Variants in ADAM21 observed in about 807,000 individuals in gnomAD.
The protein encoded by ADAM21 is ADAM metallopeptidase domain 21, also known as disintegrin and metalloproteinase domain-containing protein 21.
For synonymous variants in ADAM21, 262 were observed against 306.0 expected, an observed-to-expected ratio of 0.86 and a Z score of 1.50; for missense variants, 678 against 874.4, an observed-to-expected ratio of 0.78 and a Z score of 2.83.
In ADAM21 at chr14:70,459,333, G is replaced by A; in HGVS notation, c.1834G>A (p.Val612Met). 3 of 1,614,222 alleles carry A rather than the reference G, an allele frequency of 1.9e-6. No individual in the cohort carries two copies. Among genetic ancestry groups the A allele is most frequent in the Non-Finnish European group, 2.5e-6 (3 of 1,180,036 alleles). The change falls in exon 2 of 2, where the codon GTG becomes ATG. Residue 612 changes from valine (V) to methionine (M), a missense_variant. Transcript: ENST00000603540. ...SDIGEVKDGTVCGPGKICIHK... is the reference protein window; with the variant it reads ...SDIGEVKDGTMCGPGKICIHK... ...CATTGGTGAAGTGAAAGATGGTACTGTGTGTGGCCCAGGAAAGATCTGCAT... is the reference window on the plus strand; with the variant it reads ...CATTGGTGAAGTGAAAGATGGTACTATGTGTGGCCCAGGAAAGATCTGCAT...
intron 1 of ADAM21, among the ~76,000 whole-genome samples, chr14:70,454,478 G>T (rs907122582): frequency 6.6e-6 from 1 of 152,168 alleles, no homozygotes; most frequent in African/African-American, 2.4e-5. Context: ...GAAACTGGTA[G>T]CAGAGCTGAA....
rs1394648566 is a variant in ADAM21, at chr14:70,459,705, C to A, written c.*37C>A. 2 of 1,598,534 alleles carry A rather than the reference C, an allele frequency of 1.3e-6. No individual in the cohort carries two copies. The highest frequency in any genetic ancestry group is 2.7e-5 in the African/African-American group (2 of 74,446). On this transcript the variant is annotated 3_prime_UTR_variant, in exon 2 of 2. Coordinates refer to ENST00000603540, the MANE Select transcript of ADAM21 (RefSeq NM_003813.4). ...TAACTTAATATTCCATGCATTAGTA[C>A]ACTTTAGTCTCTTGGCAGTAGAAAC...
Position 70,457,580 on chromosome 14 carries a change from C to G in ADAM21, c.81C>G (p.Gly27=), listed in dbSNP as rs1164946144. 40 of 1,613,466 alleles carry G rather than the reference C, an allele frequency of 2.5e-5. No individual in the cohort carries two copies. The highest frequency in any genetic ancestry group is 3.3e-5 in the Non-Finnish European group (39 of 1,179,812). ...LWLGVFLSIS[G]YCQAGPSQHF... ...TTGGGGTATTTTTGTCTATTTCCGG[C>G]TACTGTCAGGCTGGGCCCTCCCAGC... is the stretch of plus-strand genomic sequence containing the variant. The change falls in exon 2 of 2, where the codon GGC becomes GGG. Residue 27 remains glycine (G), a synonymous_variant. Transcript: ENST00000603540.
At chr14:70,454,494 T>G (rs773927932) in intron 1 of ADAM21, among the ~76,000 whole-genome samples, 30 of 152,198 alleles carry the variant, frequency 2.0e-4, no homozygotes, top group Non-Finnish European at 4.3e-4. Flanking sequence ...CTGAATGGAT[T>G]GGAAGACAAG....
chr14:70,453,306 A>T (rs1889064169), intron 1 of ADAM21: 1 of 152,240 alleles, frequency 6.6e-6, no homozygotes, highest in Non-Finnish European at 1.5e-5. Flanking sequence ...AGGGCATTGG[A>T]ATAAGAGGGA....
At chr14:70,455,368 A>G (rs1050387600) in intron 1 of ADAM21, among the ~76,000 whole-genome samples, 4 of 152,154 alleles carry the variant, frequency 2.6e-5, no homozygotes, top group Admixed American at 2.0e-4. Context: ...CAATATGTTG[A>G]TCACAGTCAG....
intron 1 of ADAM21, among the ~76,000 whole-genome samples, chr14:70,456,996 A>T (rs1594982595): frequency 6.6e-6 from 1 of 152,360 alleles, no homozygotes; most frequent in Middle Eastern, 3.4e-3. Flanking sequence ...CACTATCAAT[A>T]GATATTGCAA....
chr14:70,452,718 A>G (rs1234041914), intron 1 of ADAM21, among the ~76,000 whole-genome samples: 1 of 152,186 alleles, frequency 6.6e-6, no homozygotes, highest in Admixed American at 6.5e-5. Context: ...AGGTAGGGTG[A>G]CCAACCATTC....
chr14:70,456,909 TATATC>T (rs1882419193), intron 1 of ADAM21, among the ~76,000 whole-genome samples: 1 of 152,186 alleles, frequency 6.6e-6, no homozygotes, highest in African/African-American at 2.4e-5. Context: ...GAAACTAAAG[TATATC>T]ATAAGACTGA....
chr14:70,458,298 T>G lies in ADAM21; in HGVS notation c.799T>G (p.Phe267Val). The G allele has an allele frequency of 6.2e-7, 1 of 1,614,092 alleles. No individual in the cohort carries two copies. The highest frequency in any genetic ancestry group is 8.5e-7 in the Non-Finnish European group (1 of 1,180,034). ...GIEIWNQGNV[F>V]PMTSIEQVLN... ...TGAAATTTGGAATCAAGGAAATGTT[T>G]TCCCAATGACAAGCATAGAACAGGT... is the stretch of plus-strand genomic sequence containing the variant. The change falls in exon 2 of 2, where the codon TTC becomes GTC. Residue 267 changes from phenylalanine to valine, a missense_variant. By Grantham distance (50) the Phe-to-Val change is conservative. Transcript: ENST00000603540.
rs1307922962 is a variant in ADAM21 at position 70,458,706 on chromosome 14, A to G, written c.1207A>G (p.Ile403Val). 2 of 1,614,096 alleles carry G rather than the reference A, an allele frequency of 1.2e-6. No individual in the cohort carries two copies. Among genetic ancestry groups the G allele is most frequent in the Non-Finnish European group, 1.7e-6 (2 of 1,180,006 alleles). ...GCATAATCCTCCAAGATTGGGGGAA[A>G]TCTTTATGCTAAAGCGCTGTGGGAA... The part of the protein sequence containing the change: ...CLHNPPRLGE[I>V]FMLKRCGNGV... The change falls in exon 2 of 2, where the codon ATC becomes GTC. Residue 403 changes from isoleucine to valine, a missense_variant. By Grantham distance (29) the Ile-to-Val change is conservative. Coordinates refer to ENST00000603540, the MANE Select transcript of ADAM21 (RefSeq NM_003813.4).
chr14:70,455,052 A>C lies in ADAM21; in HGVS notation c.-151-2297A>C, dbSNP rs182224672. On this transcript the variant is annotated intron_variant, in intron 1 of 1. Coordinates refer to ENST00000603540, the MANE Select transcript of ADAM21 (RefSeq NM_003813.4). ...GTAAATTCTATTAAAGCTCAGGTTCAATACGGTAAGTAGATGTAGGGAGCT... is the reference window on the plus strand; with the variant it reads ...GTAAATTCTATTAAAGCTCAGGTTCCATACGGTAAGTAGATGTAGGGAGCT... Among the ~76,000 whole-genome samples, 6 of 152,296 alleles carry C rather than the reference A, an allele frequency of 3.9e-5. No homozygotes were observed. In the South Asian group the frequency reaches 8.3e-4, roughly 21 times the overall value.
chr14:70,454,392 C>T (rs931657993), intron 1 of ADAM21, among the ~76,000 whole-genome samples: 20 of 152,040 alleles, frequency 1.3e-4, no homozygotes, highest in Admixed American at 4.6e-4. Flanking sequence ...CTGCCCACCC[C>T]CCATTCCCCG....
At position 70,459,209 on chromosome 14, in the gene ADAM21, C is replaced by T. The variant is rs61979128; in HGVS notation, c.1710C>T (p.Asp570=). The T allele has an allele frequency of 3.4e-3, 5,414 of 1,614,044 alleles. 14 individuals carry two copies. Among genetic ancestry groups the T allele is most frequent in the Middle Eastern group, 6.8e-3 (41 of 6,062 alleles). Residue 570 remains aspartate, a synonymous_variant, in exon 2 of 2, where the codon GAC becomes GAT. Coordinates refer to ENST00000603540, the MANE Select transcript of ADAM21 (RefSeq NM_003813.4). ...GAGTTCAATGTGAGAATGTGAGAGA[C>T]ATTCCTCTTCTCCAAGATCATTTTA... ...CGRVQCENVR[D]IPLLQDHFTL...
chr14:70,459,329 T>G lies in ADAM21; in HGVS notation c.1830T>G (p.Gly610=), dbSNP rs753680712. Residue 610 remains glycine, a synonymous_variant, in exon 2 of 2, where the codon GGT becomes GGG. Coordinates refer to ENST00000603540, the MANE Select transcript of ADAM21 (RefSeq NM_003813.4). ...NISDIGEVKD[G]TVCGPGKICI... Reference sequence around the variant, plus strand: ...CTGACATTGGTGAAGTGAAAGATGGTACTGTGTGTGGCCCAGGAAAGATCT... The same window carrying G: ...CTGACATTGGTGAAGTGAAAGATGGGACTGTGTGTGGCCCAGGAAAGATCT... 6.2e-7 allele frequency: 1 copy of G among 1,614,228 alleles called. No homozygotes were observed. The highest frequency in any genetic ancestry group is 8.5e-7 in the Non-Finnish European group (1 of 1,180,040).
At chr14:70,452,366 T>TGTTC (rs1207086892) in intron 1 of ADAM21, 103 bp downstream of exon 1, 1 of 153,312 alleles carries the variant, frequency 6.5e-6, no homozygotes, top group Non-Finnish European at 1.4e-5. Flanking sequence ...TCATTTTTTT[T>TGTTC]GTTTGTTTGT....
Position 70,457,578 on chromosome 14 carries a change from G to C in ADAM21, c.79G>C (p.Gly27Arg), listed in dbSNP as rs758298943. 6 of 1,613,294 alleles carry C rather than the reference G, an allele frequency of 3.7e-6. No individual in the cohort carries two copies. Among genetic ancestry groups the C allele is most frequent in the African/African-American group, 2.7e-5 (2 of 74,790 alleles). The change falls in exon 2 of 2, where the codon GGC (glycine) becomes CGC (arginine). Residue 27 changes from glycine to arginine, a missense_variant. Gly to Arg is a moderately radical substitution (Grantham distance 125, BLOSUM62 -2). Transcript: ENST00000603540. ...LWLGVFLSIS[G>R]YCQAGPSQHF... ...GCTTGGGGTATTTTTGTCTATTTCC[G>C]GCTACTGTCAGGCTGGGCCCTCCCA...
rs1184569757 is a variant in ADAM21 at position 70,459,798 on chromosome 14, C to G, written c.*130C>G. 9 of 1,068,846 alleles carry G rather than the reference C, an allele frequency of 8.4e-6. No individual in the cohort carries two copies. In the Admixed American group the frequency reaches 2.1e-4, roughly 25 times the overall value. The allele number at this position is 1,068,846 out of a possible 1,614,324, so 66.2% of individuals were successfully genotyped here. Reference sequence around the variant, plus strand: ...AGAAAGCTGCAAAGATCTTCCCTTACATTAGTACCACAAACATTGTCATTA... The same window carrying G: ...AGAAAGCTGCAAAGATCTTCCCTTAGATTAGTACCACAAACATTGTCATTA... On this transcript the variant is annotated 3_prime_UTR_variant, in exon 2 of 2. Transcript: ENST00000603540.
At position 70,458,025 on chromosome 14, in the gene ADAM21, A is replaced by G; in HGVS notation, c.526A>G (p.Thr176Ala). 6.2e-7 allele frequency: 1 copy of G among 1,614,096 alleles called. No individual in the cohort carries two copies. The highest frequency in any genetic ancestry group is 1.1e-5 in the South Asian group (1 of 91,082). The change falls in exon 2 of 2, where the codon ACA becomes GCA. Residue 176 changes from threonine (T) to alanine (A), a missense_variant. Transcript: ENST00000603540. Reference protein sequence around the residue: ...TQFPAMRCGLTEKEVARQQLE... With the variant: ...TQFPAMRCGLAEKEVARQQLE... ...ATTCCCAGCTATGAGATGTGGCTTA[A>G]CAGAGAAGGAAGTAGCACGCCAACA...
Sources: gnomAD v4.1 joint callset for allele counts (sites outside exome capture counted in the v4.1 genomes callset) on GRCh38, gnomAD v4.1.1 for gene constraint, MANE v1.5 for transcripts, NCBI Gene and HGNC (gene_info 2026-07-23, HGNC 2026-07-21) for gene names.